The following WDR70 variants were observed in gnomAD, a reference collection of about 807,000 sequenced individuals.
WDR70 encodes the protein WD repeat-containing protein 70.
A neutral mutation model predicts 88.6 loss-of-function variants in WDR70; 53 were observed. That is an observed-to-expected ratio of 0.60 (90% CI 0.48 to 0.75). The LOEUF (loss-of-function observed/expected upper bound fraction) is 0.75. Among genes scored for constraint, WDR70 ranks in the 30% least tolerant of loss-of-function variants. The pLI, the probability that WDR70 is intolerant of heterozygous loss-of-function variation, is 0.00. For synonymous variants in WDR70, 280 were observed against 270.0 expected (o/e 1.04, Z -0.36); for missense variants, 610 against 823.2 (o/e 0.74, Z 3.17).
chr5:37,601,365 A>T (rs918658228), intron 9 of WDR70, among the ~76,000 whole-genome samples: 2 of 152,242 alleles, frequency 1.3e-5, no homozygotes, highest in Non-Finnish European at 2.9e-5. Flanking sequence ...CATACCTGGG[A>T]TAAATCCCAT....
intron 13 of WDR70, among the ~76,000 whole-genome samples, chr5:37,718,164 G>A (rs929020232): frequency 1.3e-5 from 2 of 152,196 alleles, no homozygotes; most frequent in Non-Finnish European, 2.9e-5. Context: ...ATATGTGTGT[G>A]TAAAGGCTCT....
chr5:37,557,587 CAAGT>C (rs1742330054), intron 9 of WDR70, among the ~76,000 whole-genome samples: 1 of 151,974 alleles, frequency 6.6e-6, no homozygotes, highest in Non-Finnish European at 1.5e-5. Flanking sequence ...GTGGGAATCT[CAAGT>C]AATTATTTTG....
chr5:37,618,855 G>A (rs758688829), intron 10 of WDR70, among the ~76,000 whole-genome samples: 15 of 152,106 alleles, frequency 9.9e-5, no homozygotes, highest in Non-Finnish European at 2.1e-4. Context: ...AGAGAAAGGT[G>A]GAAGCAGGGT....
intron 9 of WDR70, among the ~76,000 whole-genome samples, chr5:37,524,655 C>A (rs542345429): frequency 6.6e-6 from 1 of 152,108 alleles, no homozygotes; most frequent in African/African-American, 2.4e-5. Flanking sequence ...TGTAAATGGG[C>A]TAAATGCTCC....
chr5:37,451,898 GGAGGAGAATCGCTTGA>G (rs1738688022), intron 7 of WDR70, among the ~76,000 whole-genome samples: 1 of 152,078 alleles, frequency 6.6e-6, no homozygotes, highest in South Asian at 2.1e-4. Context: ...GGAGGTTGAG[GGAGGAGAATCGCTTGA>G]ACCTGCAAGG....
chr5:37,526,306 C>T (rs1741270128), intron 9 of WDR70, among the ~76,000 whole-genome samples: 2 of 152,294 alleles, frequency 1.3e-5, no homozygotes, highest in South Asian at 4.1e-4. Flanking sequence ...GGTTTCATCC[C>T]AGGGATGCAA....
At chr5:37,385,798 A>C (rs1203338892) in intron 3 of WDR70, among the ~76,000 whole-genome samples, 1 of 146,394 alleles carries the variant, frequency 6.8e-6, no homozygotes, top group Non-Finnish European at 1.5e-5. Flanking sequence ...TGAAACAAAG[A>C]CCAAATATAT....
intron 5 of WDR70, among the ~76,000 whole-genome samples, chr5:37,416,862 A>G (rs1032073449): frequency 9.9e-5 from 15 of 152,182 alleles, no homozygotes; most frequent in African/African-American, 3.4e-4. Context: ...GGCGTTAGCC[A>G]CCGTGCCCAG....
intron 10 of WDR70, among the ~76,000 whole-genome samples, chr5:37,625,438 A>C (rs971279149): frequency 6.6e-6 from 1 of 152,086 alleles, no homozygotes; most frequent in Non-Finnish European, 1.5e-5. Context: ...AGTGGTGTTC[A>C]TGAGTATTTT....
intron 7 of WDR70, among the ~76,000 whole-genome samples, chr5:37,471,928 G>A (rs73749042): frequency 0.016 from 2,354 of 151,848 alleles, 78 homozygotes; most frequent in African/African-American, 0.054. Context: ...GACCTCTATC[G>A]TATGTTGAAT....
In WDR70 at chr5:37,565,379, T is replaced by G. The variant is rs547639071; in HGVS notation, c.918-39685T>G. 2.0e-5 allele frequency among the ~76,000 whole-genome samples: 3 copies of G among 152,322 alleles called. No homozygotes were observed. The South Asian group carries it at 6.2e-4, about 32-fold the overall frequency. On this transcript the variant is annotated intron_variant, in intron 9 of 17. Coordinates refer to ENST00000265107, the MANE Select transcript of WDR70 (RefSeq NM_018034.4). ...CCTTTTAAGGTCTTTTAAAAATCCC[T>G]TTTTTCTTCTCTTCTTTTTTGCTGC...
At chr5:37,502,934 G>A (rs1740448580) in intron 8 of WDR70, among the ~76,000 whole-genome samples, 1 of 152,156 alleles carries the variant, frequency 6.6e-6, no homozygotes, top group African/African-American at 2.4e-5. Flanking sequence ...CTCTCACTAG[G>A]CCCCACCATC....
At chr5:37,725,408 G>A (rs1747942407) in intron 16 of WDR70, among the ~76,000 whole-genome samples, 1 of 151,972 alleles carries the variant, frequency 6.6e-6, no homozygotes, top group East Asian at 1.9e-4. Context: ...ACAACACTGG[G>A]CACTTTGACC....
At position 37,676,703 on chromosome 5, in the gene WDR70, G is replaced by T. The variant is rs541034895; in HGVS notation, c.1093-20952G>T. Among the ~76,000 whole-genome samples, 154 of 151,654 alleles carry T rather than the reference G, an allele frequency of 1.0e-3. 4 individuals are homozygous for T. In the East Asian group the frequency reaches 0.026, roughly 26 times the overall value. On this transcript the variant is annotated intron_variant, in intron 10 of 17. Coordinates refer to ENST00000265107, the MANE Select transcript of WDR70 (RefSeq NM_018034.4). ...TATTGGTCTAAAATTCTCTTTTTTG[G>T]TTGTGTCTCTGCCAGGCTTTGGTAT... is the stretch of plus-strand genomic sequence containing the variant.
intron 10 of WDR70, among the ~76,000 whole-genome samples, chr5:37,666,090 A>G (rs1745833801): frequency 6.6e-6 from 1 of 152,188 alleles, no homozygotes; most frequent in African/African-American, 2.4e-5. Context: ...AATCTCAGGC[A>G]GCTGGACTTC....
At chr5:37,417,329 A>G (rs555830347) in intron 5 of WDR70, among the ~76,000 whole-genome samples, 2 of 152,076 alleles carry the variant, frequency 1.3e-5, no homozygotes, top group South Asian at 4.2e-4. Context: ...GGCTCAAGCA[A>G]TCCTCCCATC....
chr5:37,607,565 T>C lies in WDR70; in HGVS notation c.1092+2327T>C, dbSNP rs1284228379. Among the ~76,000 whole-genome samples the C allele has an allele frequency of 3.3e-5, 5 of 152,330 alleles. No individual in the cohort carries two copies. The East Asian group carries it at 7.7e-4, about 24-fold the overall frequency. ...ACCTACGTTTACTCTAGAGTTATATTGGTCAATATGCTAGCCACTAGCCAC... is the reference window on the plus strand; with the variant it reads ...ACCTACGTTTACTCTAGAGTTATATCGGTCAATATGCTAGCCACTAGCCAC... On this transcript the variant is annotated intron_variant, in intron 10 of 17. Coordinates refer to ENST00000265107, the MANE Select transcript of WDR70 (RefSeq NM_018034.4).
chr5:37,710,938 T>A (rs1337236128), intron 13 of WDR70, among the ~76,000 whole-genome samples: 2 of 152,026 alleles, frequency 1.3e-5, no homozygotes, highest in African/African-American at 4.8e-5. Context: ...AGTCCTCAGA[T>A]AGGTCTCTGA....
chr5:37,554,069 A>C (rs931957999), intron 9 of WDR70, among the ~76,000 whole-genome samples: 10 of 147,840 alleles, frequency 6.8e-5, no homozygotes, highest in Non-Finnish European at 1.5e-4. Context: ...TGGTTAATTA[A>C]TTTGTTGCAA....
Sources: allele counts gnomAD v4.1 joint callset (sites outside exome capture counted in the v4.1 genomes callset), GRCh38; gene constraint gnomAD v4.1.1; transcripts MANE v1.5; gene names NCBI Gene and HGNC (gene_info 2026-07-23, HGNC 2026-07-21).